The following PPIL4 variants were observed in gnomAD, a reference collection of about 807,000 sequenced individuals.
PPIL4 encodes the protein peptidyl-prolyl cis-trans isomerase-like 4.
PPIL4 carries 50 observed loss-of-function variants against 69.1 expected under a neutral mutation model. The observed-to-expected ratio is 0.72, with a 90% CI of 0.58 to 0.92. The LOEUF (loss-of-function observed/expected upper bound fraction) is 0.92, where lower values mean the gene tolerates loss of function less well. Ranked by LOEUF, PPIL4 falls within the 40% of genes least tolerant of loss-of-function variation. PPIL4 has a pLI of 0.00. For missense variants in PPIL4, 480 were observed against 587.9 expected (o/e 0.82, Z 1.90); for synonymous variants, 193 against 191.6 (o/e 1.01, Z -0.06).
chr6:149,524,442 C>T (rs1777076478), intron 9 of PPIL4, among the ~76,000 whole-genome samples: 2 of 152,296 alleles, frequency 1.3e-5, no homozygotes, highest in East Asian at 3.9e-4. Flanking sequence ...GAACGGTTAA[C>T]TAAACTGCCA....
intron 12 of PPIL4, among the ~76,000 whole-genome samples, chr6:149,507,325 C>G (rs566517809): frequency 6.6e-6 from 1 of 152,308 alleles, no homozygotes; most frequent in Non-Finnish European, 1.5e-5. Context: ...GTATTATAAA[C>G]TGATTTGTGA....
At chr6:149,522,146 C>T (rs1370610893) in intron 9 of PPIL4, among the ~76,000 whole-genome samples, 1 of 152,132 alleles carries the variant, frequency 6.6e-6, no homozygotes, top group Non-Finnish European at 1.5e-5. Context: ...AATCAGTGTA[C>T]GTTTCATGAA....
At chr6:149,544,073 G>C (rs1403305919) in intron 1 of PPIL4, among the ~76,000 whole-genome samples, 1 of 152,036 alleles carries the variant, frequency 6.6e-6, no homozygotes, top group Non-Finnish European at 1.5e-5. Flanking sequence ...GCTTATCTTT[G>C]CAGACCCACT....
intron 3 of PPIL4, 122 bp from the exon 4 acceptor site, chr6:149,541,181 T>C: frequency 8.0e-6 from 2 of 251,420 alleles, no homozygotes; most frequent in Non-Finnish European, 1.4e-5. Context: ...AAAATATTAC[T>C]TTTTTTTTTT....
intron 12 of PPIL4, among the ~76,000 whole-genome samples, chr6:149,510,693 G>A (rs753597593): frequency 2.7e-4 from 41 of 152,100 alleles, no homozygotes; most frequent in Non-Finnish European, 5.7e-4. Context: ...AGTGAGCCGA[G>A]ATTGCACCAT....
chr6:149,505,505 C>A lies in PPIL4; in HGVS notation c.1427G>T (p.Arg476Leu), dbSNP rs764028936. Residue 476 changes from arginine (R) to leucine (L), a missense_variant, in exon 13 of 13, where the codon CGA becomes CTA. By Grantham distance (102) the Arg-to-Leu change is moderately radical. Transcript: ENST00000253329. ...TTTGGACTTCTTTGGACTTCTGCTT[C>A]GGTCTCTCTTTTTACTCCTTTCTCT... ...YERERSKKRD[R>L]SRSPKKSKDK... is the part of the protein sequence containing the mutation. The A allele has an allele frequency of 6.2e-7, 1 of 1,613,938 alleles. No individual in the cohort carries two copies.
At chr6:149,517,557 C>T (rs191857829) in intron 10 of PPIL4, 107 bp from the exon 11 acceptor site, 5 of 540,302 alleles carry the variant, frequency 9.3e-6, no homozygotes, top group Admixed American at 7.3e-5. Flanking sequence ...TGGCATATAT[C>T]GAGAGACAGA....
intron 10 of PPIL4, among the ~76,000 whole-genome samples, chr6:149,518,913 C>G (rs1418603528): frequency 6.6e-6 from 1 of 152,144 alleles, no homozygotes; most frequent in Admixed American, 6.5e-5. Flanking sequence ...CTGGAATCAT[C>G]AGACTATAAA....
rs1166646628 is a variant in PPIL4, at chr6:149,535,743, A to G, written c.322-5T>C. 6.3e-7 allele frequency: 1 copy of G among 1,580,612 alleles called. No individual in the cohort carries two copies. The highest frequency in any genetic ancestry group is 8.7e-7 in the Non-Finnish European group (1 of 1,155,990). ...TTCTCCTGTGGTGATAAGAAACTAT[A>G]AAGAAGGACACATAATAAATACCAT... On this transcript the variant is annotated splice_region_variant and splice_polypyrimidine_tract_variant and intron_variant, in intron 4 of 12. Transcript: ENST00000253329.
At chr6:149,524,628 T>C (rs1777079665) in intron 9 of PPIL4, among the ~76,000 whole-genome samples, 1 of 152,154 alleles carries the variant, frequency 6.6e-6, no homozygotes, top group South Asian at 2.1e-4. Flanking sequence ...GGCTGAGTGT[T>C]GTGGCTTATG....
chr6:149,519,136 G>A (rs1776990402), intron 10 of PPIL4, among the ~76,000 whole-genome samples: 1 of 152,258 alleles, frequency 6.6e-6, no homozygotes, highest in South Asian at 2.1e-4. Context: ...GAAAGTAGTA[G>A]TATTTATTCA....
At chr6:149,525,735 A>G (rs1433564281) in intron 8 of PPIL4, among the ~76,000 whole-genome samples, 1 of 152,196 alleles carries the variant, frequency 6.6e-6, no homozygotes, top group Non-Finnish European at 1.5e-5. Flanking sequence ...CCAAGTGAAA[A>G]GGCCAATAAG....
chr6:149,534,544 A>G, intron 6 of PPIL4, 134 bp downstream of exon 6: 2 of 517,648 alleles, frequency 3.9e-6, no homozygotes, highest in Middle Eastern at 5.0e-4. Context: ...GAAAAGAAAA[A>G]GAACTCCAAA....
intron 7 of PPIL4, among the ~76,000 whole-genome samples, chr6:149,528,810 A>T (rs1251674001): frequency 6.6e-6 from 1 of 152,262 alleles, no homozygotes; most frequent in East Asian, 1.9e-4. Flanking sequence ...TCTGCATGCA[A>T]ATGTTTACAG....
At chr6:149,505,831 C>T (rs1776762052) in intron 12 of PPIL4, 127 bp from the exon 13 acceptor site, 3 of 710,472 alleles carry the variant, frequency 4.2e-6, no homozygotes. Context: ...GTGAACACTA[C>T]CACTAATGTC....
chr6:149,532,949 A>G (rs1315730243), intron 7 of PPIL4, among the ~76,000 whole-genome samples: 1 of 152,206 alleles, frequency 6.6e-6, no homozygotes, highest in Non-Finnish European at 1.5e-5. Context: ...TATTCTACAA[A>G]AATAAGAAAT....
chr6:149,540,394 ATCATGAGG>A (rs1777341550), intron 4 of PPIL4, among the ~76,000 whole-genome samples: 1 of 152,216 alleles, frequency 6.6e-6, no homozygotes, highest in African/African-American at 2.4e-5. Context: ...AGGCAGGCGG[ATCATGAGG>A]TCACGTGATT....
intron 1 of PPIL4, 110 bp downstream of exon 1, chr6:149,545,826 C>A: frequency 9.7e-7 from 1 of 1,035,468 alleles, no homozygotes; most frequent in South Asian, 1.4e-5. Context: ...GCACCAGCAG[C>A]CCAGAAGCTC....
At chr6:149,507,949 C>T (rs1776790879) in intron 12 of PPIL4, among the ~76,000 whole-genome samples, 1 of 152,086 alleles carries the variant, frequency 6.6e-6, no homozygotes, top group South Asian at 2.1e-4. Flanking sequence ...TGCAAGAAGG[C>T]TAATGAAAGT....
Sources: allele counts gnomAD v4.1 joint callset (sites outside exome capture counted in the v4.1 genomes callset), GRCh38; gene constraint gnomAD v4.1.1; transcripts MANE v1.5; gene names NCBI Gene and HGNC (gene_info 2026-07-23, HGNC 2026-07-21).